Variants in EML5 observed in about 807,000 individuals in gnomAD.
EML5 encodes EMAP like 5.
EML5 carries 120 observed loss-of-function variants against 250.0 expected under a neutral mutation model. The observed-to-expected ratio is 0.48, with a 90% CI of 0.41 to 0.56. The LOEUF is 0.56. Among genes scored for constraint, EML5 ranks in the 20% least tolerant of loss-of-function variants. The pLI is 0.00. For synonymous variants in EML5, 771 were observed against 806.5 expected, an observed-to-expected ratio of 0.96 and a Z score of 0.75; for missense variants, 2,006 against 2,437.6, an observed-to-expected ratio of 0.82 and a Z score of 3.73.
chr14:88,777,923 C>T (rs1179523759), intron 1 of EML5, among the ~76,000 whole-genome samples: 2 of 152,218 alleles, frequency 1.3e-5, no homozygotes, highest in Admixed American at 1.3e-4. Context: ...TGCAGTGAGT[C>T]AAGACTGTGC....
intron 1 of EML5, among the ~76,000 whole-genome samples, chr14:88,756,637 G>A (rs2094163895): frequency 6.6e-6 from 1 of 152,066 alleles, no homozygotes; most frequent in Non-Finnish European, 1.5e-5. Flanking sequence ...AATTCAGCAA[G>A]GTTGCAGGAT....
intron 33 of EML5, among the ~76,000 whole-genome samples, chr14:88,630,202 G>A (rs915061286): frequency 6.6e-6 from 1 of 151,440 alleles, no homozygotes; most frequent in Non-Finnish European, 1.5e-5. Flanking sequence ...AGCTAATTCT[G>A]TATTTTTAGT....
At chr14:88,782,071 G>C (rs2094502826) in intron 1 of EML5, among the ~76,000 whole-genome samples, 1 of 152,220 alleles carries the variant, frequency 6.6e-6, no homozygotes, top group Non-Finnish European at 1.5e-5. Flanking sequence ...GAAGATGTGG[G>C]AAAGTCTGTA....
At chr14:88,676,204 C>T (rs1166975898) in intron 21 of EML5, among the ~76,000 whole-genome samples, 1 of 152,134 alleles carries the variant, frequency 6.6e-6, no homozygotes, top group Non-Finnish European at 1.5e-5. Flanking sequence ...TGTATTAGTC[C>T]GTTCTCACAC....
At chr14:88,660,122 T>C (rs565852459) in intron 25 of EML5, among the ~76,000 whole-genome samples, 1 of 150,554 alleles carries the variant, frequency 6.6e-6, no homozygotes, top group African/African-American at 2.4e-5. Context: ...CAAAAAAAAA[T>C]TTTTTTTTAC....
At chr14:88,630,288 C>T (rs1211585826) in intron 33 of EML5, among the ~76,000 whole-genome samples, 1 of 151,892 alleles carries the variant, frequency 6.6e-6, no homozygotes. Context: ...CCTTGGCCTC[C>T]CAAAGTGCTA....
chr14:88,700,941 CTTTAAATAAGCTGGGTTT>C (rs2093195644), intron 14 of EML5, among the ~76,000 whole-genome samples: 1 of 152,008 alleles, frequency 6.6e-6, no homozygotes, highest in South Asian at 2.1e-4. Context: ...ACTCATAGTT[CTTTAAATAAGCTGGGTTT>C]TTTTTTGCCC....
chr14:88,623,313 G>A (rs993534973), intron 36 of EML5: 1 of 151,858 alleles, frequency 6.6e-6, no homozygotes, highest in Non-Finnish European at 1.5e-5. Context: ...CACTGTGCCT[G>A]GCCTCATAAT....
intron 25 of EML5, among the ~76,000 whole-genome samples, chr14:88,659,661 G>A (rs2092007546): frequency 6.6e-6 from 1 of 151,500 alleles, no homozygotes; most frequent in South Asian, 2.1e-4. Flanking sequence ...ATTCCTAAGG[G>A]ATCTACACCA....
At chr14:88,727,045 T>C (rs1375054051) in intron 7 of EML5, among the ~76,000 whole-genome samples, 1 of 151,834 alleles carries the variant, frequency 6.6e-6, no homozygotes, top group African/African-American at 2.4e-5. Flanking sequence ...TGTTTTGTTG[T>C]TGTTGTTGTT....
chr14:88,657,595 ATAAAT>A, intron 26 of EML5, 93 bp from the exon 27 acceptor site: 9 of 1,270,318 alleles, frequency 7.1e-6, no homozygotes, highest in Non-Finnish European at 9.4e-6. Context: ...ACAATATGAA[ATAAAT>A]TAAGTTGTTA....
intron 33 of EML5, among the ~76,000 whole-genome samples, chr14:88,632,301 A>G (rs1204796353): frequency 6.6e-6 from 1 of 152,170 alleles, no homozygotes; most frequent in Non-Finnish European, 1.5e-5. Flanking sequence ...TTGGACTACT[A>G]TAACGGCCAC....
At chr14:88,763,678 C>A (rs1471085063) in intron 1 of EML5, among the ~76,000 whole-genome samples, 1 of 152,152 alleles carries the variant, frequency 6.6e-6, no homozygotes, top group African/African-American at 2.4e-5. Flanking sequence ...CATCCTGATA[C>A]CAAAACATGG....
chr14:88,689,111 T>C (rs2092902852), intron 17 of EML5, among the ~76,000 whole-genome samples: 1 of 152,208 alleles, frequency 6.6e-6, no homozygotes, highest in Non-Finnish European at 1.5e-5. Context: ...ATACCATGGC[T>C]TATCCATTTT....
intron 14 of EML5, among the ~76,000 whole-genome samples, chr14:88,698,805 C>A (rs1173615214): frequency 6.6e-6 from 1 of 152,130 alleles, no homozygotes; most frequent in Non-Finnish European, 1.5e-5. Flanking sequence ...GACATCTCAC[C>A]TGGAAATTAT....
In EML5 at chr14:88,786,756, G is replaced by A. The variant is rs377763414; in HGVS notation, c.197+5551C>T. Among the ~76,000 whole-genome samples, 261 of 152,172 alleles carry A rather than the reference G, an allele frequency of 1.7e-3. 3 individuals carry two copies. Among genetic ancestry groups the A allele is most frequent in the African/African-American group, 4.6e-3 (190 of 41,506 alleles). ...ATCTTCCTCATTTTCTCGTGCTGCCGCCATGTAAGAACTGCCTTTCACTTC... is the reference window on the plus strand; with the variant it reads ...ATCTTCCTCATTTTCTCGTGCTGCCACCATGTAAGAACTGCCTTTCACTTC... On this transcript the variant is annotated intron_variant, in intron 1 of 43. Transcript: ENST00000554922.
At chr14:88,706,526 G>T in intron 10 of EML5, 100 bp from the exon 11 acceptor site, 1 of 901,456 alleles carries the variant, frequency 1.1e-6, no homozygotes, top group Non-Finnish European at 1.5e-6. Flanking sequence ...CCTTCTATCT[G>T]AATTATAAAC....
At chr14:88,652,563 A>C (rs2091681495) in intron 27 of EML5, among the ~76,000 whole-genome samples, 1 of 152,090 alleles carries the variant, frequency 6.6e-6, no homozygotes, top group South Asian at 2.1e-4. Flanking sequence ...ATTCGCTTGA[A>C]TTTTCTACAA....
At chr14:88,723,879 C>T (rs780917188) in intron 8 of EML5, among the ~76,000 whole-genome samples, 2 of 152,088 alleles carry the variant, frequency 1.3e-5, no homozygotes, top group Non-Finnish European at 2.9e-5. Context: ...CCCTGGCATA[C>T]CACCTTATAT....
Sources: allele counts gnomAD v4.1 joint callset (sites outside exome capture counted in the v4.1 genomes callset), GRCh38; gene constraint gnomAD v4.1.1; transcripts MANE v1.5; gene names NCBI Gene and HGNC (gene_info 2026-07-23, HGNC 2026-07-21).